The following KRT36 variants were observed in gnomAD, a reference collection of about 807,000 sequenced individuals.
KRT36 encodes the protein keratin 36.
Under a neutral mutation model 43.0 loss-of-function variants are expected in KRT36, and 41 were observed. That is an observed-to-expected ratio of 0.95 (90% CI 0.74 to 1.24). The LOEUF (loss-of-function observed/expected upper bound fraction) is 1.24. Ranked by LOEUF, KRT36 falls within the 50% of genes most tolerant of loss-of-function variation. The pLI, the probability that KRT36 is intolerant of heterozygous loss-of-function variation, is 0.00. For missense variants in KRT36, 627 were observed against 595.3 expected (o/e 1.05, Z -0.55); for synonymous variants, 277 against 252.9 (o/e 1.10, Z -0.90).
Position 41,489,878 on chromosome 17 carries a change from G to A in KRT36, c.-14C>T. 1 of 1,604,244 alleles carries A rather than the reference G, an allele frequency of 6.2e-7. No homozygotes were observed. Among genetic ancestry groups the A allele is most frequent in the South Asian group, 1.1e-5 (1 of 90,742 alleles). On this transcript the variant is annotated 5_prime_UTR_variant, in exon 1 of 7. Transcript: ENST00000328119. ...CTGGGTGGCCATGGTGCTAGCAGAGGAAGGTTGCAGCTTAGCAAGGAGCTC... is the reference window on the plus strand; with the variant it reads ...CTGGGTGGCCATGGTGCTAGCAGAGAAAGGTTGCAGCTTAGCAAGGAGCTC...
Position 41,488,705 on chromosome 17 carries a change from TCA to T in KRT36, c.477_478del (p.Asn161CysfsTer8), listed in dbSNP as rs768968299. Reference sequence around the variant, plus strand: ...AATCTGCAGGACCAGCCTGGCATTCTCAGACTTAGTCAGCAGGATCTGGGGAA... The same window carrying T: ...AATCTGCAGGACCAGCCTGGCATTCTGACTTAGTCAGCAGGATCTGGGGAA... On this transcript the variant is annotated frameshift_variant, in exon 2 of 7. Transcript: ENST00000328119. LOFTEE classifies it high-confidence loss of function. The T allele has an allele frequency of 8.7e-5, 140 of 1,614,008 alleles. 1 individual carries two copies. Among genetic ancestry groups the T allele is most frequent in the East Asian group, 8.5e-4 (38 of 44,876 alleles).
At chr17:41,488,489 C>T (rs779623439) in intron 2 of KRT36, 90 bp from the exon 3 acceptor site, 34 of 1,548,306 alleles carry the variant, frequency 2.2e-5, no homozygotes, top group Middle Eastern at 3.4e-4. Context: ...CAGTGGCTGA[C>T]GGGATCAGGA....
At position 41,486,301 on chromosome 17, in the gene KRT36, G is replaced by T; in HGVS notation, c.*75C>A. 5 of 1,333,676 alleles carry T rather than the reference G, an allele frequency of 3.7e-6. No individual in the cohort carries two copies. Among genetic ancestry groups the T allele is most frequent in the Non-Finnish European group, 5.3e-6 (5 of 948,778 alleles). The allele number at this position is 1,333,676 out of a possible 1,614,324, so 82.6% of individuals were successfully genotyped here. A position where few individuals can be genotyped will look rare whatever the true frequency, so the allele number is the denominator to read the frequency against. ...GACCCCTCTAGAGAAGGGCAGGGTC[G>T]TTAAGCCTCCAGGAGCCACAGGGGT... On this transcript the variant is annotated 3_prime_UTR_variant, in exon 7 of 7. Transcript: ENST00000328119.
chr17:41,487,010 T>A lies in KRT36; in HGVS notation c.1148A>T (p.Lys383Met), dbSNP rs893570736. 6.2e-7 allele frequency: 1 copy of A among 1,614,096 alleles called. No individual in the cohort carries two copies. The highest frequency in any genetic ancestry group is 1.1e-5 in the South Asian group (1 of 91,080). ...NQEYQVLLDVKARLEGEIATY... is the reference protein window; with the variant it reads ...NQEYQVLLDVMARLEGEIATY... ...AGCGATCTCGCCCTCCAGCCGGGCCTTGACGTCCAGTAACACCTGGTACTC... is the reference window on the plus strand; with the variant it reads ...AGCGATCTCGCCCTCCAGCCGGGCCATGACGTCCAGTAACACCTGGTACTC... The change falls in exon 6 of 7, where the codon AAG (lysine) becomes ATG (methionine). Residue 383 changes from lysine (K) to methionine (M), a missense_variant. By Grantham distance (95) the Lys-to-Met change is moderately conservative (BLOSUM62 -1). Transcript: ENST00000328119.
rs1183798048 is a variant in KRT36, at chr17:41,486,394, C to A, written c.1386G>T (p.Val462=). The part of the protein sequence containing the change: ...DGKVISSREH[V]QSRPL ...TGGGCTGTCACAGCGGGCGGGACTGCACGTGCTCCCTGGAGGAGATGACTT... is the reference window on the plus strand; with the variant it reads ...TGGGCTGTCACAGCGGGCGGGACTGAACGTGCTCCCTGGAGGAGATGACTT... Residue 462 remains valine (V), a synonymous_variant, in exon 7 of 7, where the codon GTG becomes GTT. Transcript: ENST00000328119. 6.2e-7 allele frequency: 1 copy of A among 1,613,966 alleles called. No individual in the cohort carries two copies. The highest frequency in any genetic ancestry group is 1.3e-5 in the African/African-American group (1 of 75,042).
intron 5 of KRT36, 46 bp downstream of exon 5, chr17:41,487,305 G>A: frequency 6.3e-7 from 1 of 1,594,800 alleles, no homozygotes; most frequent in Non-Finnish European, 8.5e-7. Flanking sequence ...GTGCGTCGGG[G>A]ACCTGCCACA....
chr17:41,488,164 G>A lies in KRT36; in HGVS notation c.699+79C>T, dbSNP rs146278210. 1.9e-4 allele frequency: 266 copies of A among 1,405,354 alleles called. 5 individuals carry two copies. The East Asian group carries it at 5.8e-3, about 31-fold the overall frequency. 87.1% of individuals were successfully genotyped at this position (1,405,354 alleles called of 1,614,324 possible). A position where few individuals can be genotyped will look rare whatever the true frequency, so the allele number is the denominator to read the frequency against. On this transcript the variant is annotated intron_variant, in intron 3 of 6. Coordinates refer to ENST00000328119, the MANE Select transcript of KRT36 (RefSeq NM_003771.5). The stretch of plus-strand genomic sequence containing the variant: ...GCAAGGCCTTTGTATAGTTCCTGCC[G>A]CACAGAAAACTGAAAGCCCAGCAGT...
chr17:41,486,966 C>G lies in KRT36; in HGVS notation c.1192G>C (p.Glu398Gln). ...GEIATYRHLL[E>Q]GEDCKLPPQP... ...GCCACTCACTTGCAGTCCTCTCCCT[C>G]CAGCAGGTGGCGGTAGGTAGCGATC... The change falls in exon 6 of 7, where the codon GAG becomes CAG. Residue 398 changes from glutamate to glutamine, a missense_variant. Coordinates refer to ENST00000328119, the MANE Select transcript of KRT36 (RefSeq NM_003771.5). 6.2e-7 allele frequency: 1 copy of G among 1,613,052 alleles called. No homozygotes were observed. Among genetic ancestry groups the G allele is most frequent in the East Asian group, 2.2e-5 (1 of 44,854 alleles).
In KRT36 at chr17:41,489,574, C is replaced by G; in HGVS notation, c.291G>C (p.Met97Ile). 1 of 1,614,188 alleles carries G rather than the reference C, an allele frequency of 6.2e-7. No individual in the cohort carries two copies. The highest frequency in any genetic ancestry group is 2.2e-5 in the East Asian group (1 of 44,878). The part of the protein sequence containing the change: ...GSFNGSEKET[M>I]QFLNDRLANY... ...TGGCCAGGCGGTCGTTCAGGAACTG[C>G]ATAGTCTCCTTCTCGCTGCCGTTGA... The change falls in exon 1 of 7, where the codon ATG becomes ATC. Residue 97 changes from methionine to isoleucine, a missense_variant. Physicochemically the swap from Met to Ile is conservative, Grantham distance 10 (BLOSUM62 1). Transcript: ENST00000328119.
rs1904411439 is a variant in KRT36, at chr17:41,487,152, TG to T, written c.1005del (p.Thr336ProfsTer19). 6.2e-7 allele frequency: 1 copy of T among 1,613,364 alleles called. No individual in the cohort carries two copies. The highest frequency in any genetic ancestry group is 1.3e-5 in the African/African-American group (1 of 74,916). ...AQHSMRNSLE[S>X]TLAETEARYS... ...TAGCGGGCCTCGGTTTCGGCCAGGG[TG>T]GATTCCAAGGAATTCCGCTGCAATG... is the stretch of plus-strand genomic sequence containing the variant. On this transcript the variant is annotated frameshift_variant, in exon 6 of 7. Coordinates refer to ENST00000328119, the MANE Select transcript of KRT36 (RefSeq NM_003771.5). LOFTEE classifies it high-confidence loss of function.
In KRT36 at chr17:41,486,325, G is replaced by A. The variant is rs757498359; in HGVS notation, c.*51C>T. ...CGTTAAGCCTCCAGGAGCCACAGGG[G>A]TGTCCTCCTTCCTGTGGTCAGGGCC... is the stretch of plus-strand genomic sequence containing the variant. On this transcript the variant is annotated 3_prime_UTR_variant, in exon 7 of 7. Coordinates refer to ENST00000328119, the MANE Select transcript of KRT36 (RefSeq NM_003771.5). The A allele has an allele frequency of 6.6e-7, 1 of 1,519,252 alleles. No individual in the cohort carries two copies. The highest frequency in any genetic ancestry group is 9.1e-7 in the Non-Finnish European group (1 of 1,100,724). The allele number at this position is 1,519,252 out of a possible 1,614,324, so 94.1% of individuals were successfully genotyped here. A position where few individuals can be genotyped will look rare whatever the true frequency, so the allele number is the denominator to read the frequency against.
At position 41,489,826 on chromosome 17, in the gene KRT36, C is replaced by G; in HGVS notation, c.39G>C (p.Gly13=). 1 of 1,613,466 alleles carries G rather than the reference C, an allele frequency of 6.2e-7. No homozygotes were observed. Among genetic ancestry groups the G allele is most frequent in the Non-Finnish European group, 8.5e-7 (1 of 1,179,952 alleles). The change falls in exon 1 of 7, where the codon GGG becomes GGC. Residue 13 remains glycine, a synonymous_variant. Coordinates refer to ENST00000328119, the MANE Select transcript of KRT36 (RefSeq NM_003771.5). ...CTGTGCCACAGAGGCCCTTGATAGA[C>G]CCAGTGGAGAAGGTAGGGGTGCAGG... ...TQTCTPTFST[G]SIKGLCGTAG...
rs1265307029 is a variant in KRT36, at chr17:41,486,414, T to C, written c.1366A>G (p.Ile456Val). Residue 456 changes from isoleucine to valine, a missense_variant, in exon 7 of 7, where the codon ATC becomes GTC. Coordinates refer to ENST00000328119, the MANE Select transcript of KRT36 (RefSeq NM_003771.5). ...GACTGCACGTGCTCCCTGGAGGAGATGACTTTCCCATCTCTGATCTCCTCG... is the reference window on the plus strand; with the variant it reads ...GACTGCACGTGCTCCCTGGAGGAGACGACTTTCCCATCTCTGATCTCCTCG... ...ITEEIRDGKV[I>V]SSREHVQSRP... 1 of 1,613,932 alleles carries C rather than the reference T, an allele frequency of 6.2e-7. No homozygotes were observed. Among genetic ancestry groups the C allele is most frequent in the East Asian group, 2.2e-5 (1 of 44,880 alleles).
rs756805863 is a variant in KRT36 at position 41,489,425 on chromosome 17, A to G, written c.440T>C (p.Ile147Thr). 8 of 1,613,254 alleles carry G rather than the reference A, an allele frequency of 5.0e-6. No homozygotes were observed. The highest frequency in any genetic ancestry group is 6.8e-6 in the Non-Finnish European group (8 of 1,179,198). ...CPDYQSYFKT[I>T]EDFQQKILLT... Reference sequence around the variant, plus strand: ...CCTCACCTTCTGCTGGAAATCTTCGATGGTCTTGAAGTAGGACTGGTAGTC... The same window carrying G: ...CCTCACCTTCTGCTGGAAATCTTCGGTGGTCTTGAAGTAGGACTGGTAGTC... Residue 147 changes from isoleucine to threonine, a missense_variant, in exon 1 of 7, where the codon ATC (isoleucine) becomes ACC (threonine). Transcript: ENST00000328119.
In KRT36 at chr17:41,486,991, C is replaced by G. The variant is rs1904401737; in HGVS notation, c.1167G>C (p.Glu389Asp). The change falls in exon 6 of 7, where the codon GAG becomes GAC. Residue 389 changes from glutamate (E) to aspartate (D), a missense_variant. Physicochemically the swap from Glu to Asp is conservative, Grantham distance 45. Coordinates refer to ENST00000328119, the MANE Select transcript of KRT36 (RefSeq NM_003771.5). ...CCAGCAGGTGGCGGTAGGTAGCGAT[C>G]TCGCCCTCCAGCCGGGCCTTGACGT... ...LLDVKARLEG[E>D]IATYRHLLEG... The G allele has an allele frequency of 1.2e-6, 2 of 1,613,884 alleles. No individual in the cohort carries two copies. Among genetic ancestry groups the G allele is most frequent in the East Asian group, 4.5e-5 (2 of 44,864 alleles).
In KRT36 at chr17:41,486,300, C is replaced by T. The variant is rs944102200; in HGVS notation, c.*76G>A. 15 of 1,280,282 alleles carry T rather than the reference C, an allele frequency of 1.2e-5. No homozygotes were observed. The highest frequency in any genetic ancestry group is 7.4e-5 in the African/African-American group (5 of 67,892). 79.3% of individuals were successfully genotyped at this position (1,280,282 alleles called of 1,614,324 possible). A position where few individuals can be genotyped will look rare whatever the true frequency, so the allele number is the denominator to read the frequency against. On this transcript the variant is annotated 3_prime_UTR_variant, in exon 7 of 7. Coordinates refer to ENST00000328119, the MANE Select transcript of KRT36 (RefSeq NM_003771.5). The stretch of plus-strand genomic sequence containing the variant: ...GGACCCCTCTAGAGAAGGGCAGGGT[C>T]GTTAAGCCTCCAGGAGCCACAGGGG...
Position 41,488,730 on chromosome 17 carries a change from G to A in KRT36, c.460-6C>T, listed in dbSNP as rs376173878. On this transcript the variant is annotated splice_polypyrimidine_tract_variant and splice_region_variant and intron_variant, in intron 1 of 6. Coordinates refer to ENST00000328119, the MANE Select transcript of KRT36 (RefSeq NM_003771.5). The stretch of plus-strand genomic sequence containing the variant: ...TCAGACTTAGTCAGCAGGATCTGGG[G>A]AACAAGAGGCTTCCCATAAGCTACA... 2 of 1,613,578 alleles carry A rather than the reference G, an allele frequency of 1.2e-6. No individual in the cohort carries two copies. Among genetic ancestry groups the A allele is most frequent in the Non-Finnish European group, 1.7e-6 (2 of 1,179,598 alleles).
At chr17:41,486,832 T>A in intron 6 of KRT36, 118 bp downstream of exon 6, 1 of 930,818 alleles carries the variant, frequency 1.1e-6, no homozygotes, top group Non-Finnish European at 1.6e-6. Context: ...AAATGGAGAA[T>A]CTCAAGGGGC....
In KRT36 at chr17:41,486,325, G is replaced by T. The variant is rs757498359; in HGVS notation, c.*51C>A. 1.3e-6 allele frequency: 2 copies of T among 1,519,250 alleles called. No individual in the cohort carries two copies. Among genetic ancestry groups the T allele is most frequent in the Non-Finnish European group, 1.8e-6 (2 of 1,100,724 alleles). The allele number at this position is 1,519,250 out of a possible 1,614,324, so 94.1% of individuals were successfully genotyped here. On this transcript the variant is annotated 3_prime_UTR_variant, in exon 7 of 7. Transcript: ENST00000328119. Reference sequence around the variant, plus strand: ...CGTTAAGCCTCCAGGAGCCACAGGGGTGTCCTCCTTCCTGTGGTCAGGGCC... The same window carrying T: ...CGTTAAGCCTCCAGGAGCCACAGGGTTGTCCTCCTTCCTGTGGTCAGGGCC...
Sources: gnomAD v4.1 joint callset for allele counts on GRCh38, gnomAD v4.1.1 for gene constraint, MANE v1.5 for transcripts, NCBI Gene and HGNC (gene_info 2026-07-23, HGNC 2026-07-21) for gene names.